The following GLRA3 variants were observed in gnomAD, a reference collection of about 807,000 sequenced individuals.
GLRA3 encodes glycine receptor alpha 3.
GLRA3 carries 44 observed loss-of-function variants against 60.4 expected under a neutral mutation model. That is an observed-to-expected ratio of 0.73 (90% CI 0.57 to 0.94). GLRA3 has a LOEUF of 0.94. Among genes scored for constraint, GLRA3 ranks in the 40% least tolerant of loss-of-function variants. The probability of loss-of-function intolerance (pLI) is 0.00; values close to 1 mark genes in which losing one functional copy is unlikely to be tolerated. For synonymous variants in GLRA3, 223 were observed against 192.9 expected, an observed-to-expected ratio of 1.16 and a Z score of -1.29; for missense variants, 508 against 564.6, an observed-to-expected ratio of 0.90 and a Z score of 1.02.
At chr4:174,762,399 A>G (rs547209995) in intron 3 of GLRA3, among the ~76,000 whole-genome samples, 1 of 152,238 alleles carries the variant, frequency 6.6e-6, no homozygotes, top group South Asian at 2.1e-4. Context: ...CCATCCCCAG[A>G]TCAGATCAAA....
intron 2 of GLRA3, among the ~76,000 whole-genome samples, chr4:174,776,321 A>C (rs1453586575): frequency 6.6e-6 from 1 of 152,114 alleles, no homozygotes. Flanking sequence ...TTCGAAGTAG[A>C]GAAATAACAG....
At chr4:174,813,741 A>G (rs543196348) in intron 1 of GLRA3, among the ~76,000 whole-genome samples, 18 of 152,276 alleles carry the variant, frequency 1.2e-4, no homozygotes, top group African/African-American at 3.4e-4. Flanking sequence ...TTTAAAATCT[A>G]TCCTTCAACT....
intron 7 of GLRA3, among the ~76,000 whole-genome samples, chr4:174,666,050 A>G (rs1733653662): frequency 6.6e-6 from 1 of 152,128 alleles, no homozygotes; most frequent in African/African-American, 2.4e-5. Flanking sequence ...GGATTTGAAT[A>G]TAACTCATAT....
intron 9 of GLRA3, among the ~76,000 whole-genome samples, chr4:174,655,722 A>C (rs1431000034): frequency 1.3e-5 from 2 of 152,144 alleles, no homozygotes; most frequent in African/African-American, 2.4e-5. Context: ...CAAGTGGATC[A>C]TGTGAAATTA....
intron 3 of GLRA3, among the ~76,000 whole-genome samples, chr4:174,761,342 T>C (rs1737938245): frequency 6.6e-6 from 1 of 152,168 alleles, no homozygotes; most frequent in Admixed American, 6.5e-5. Flanking sequence ...TATATATAAG[T>C]GCTTACTGTT....
At chr4:174,792,100 A>G (rs974949800) in intron 1 of GLRA3, among the ~76,000 whole-genome samples, 2 of 152,204 alleles carry the variant, frequency 1.3e-5, no homozygotes, top group Non-Finnish European at 2.9e-5. Context: ...CACTTGTGTG[A>G]GGCCTAAAAG....
rs1199930239 is a variant in GLRA3, at chr4:174,637,715, G to C, written c.*6071C>G. 2 of 152,038 alleles carry C rather than the reference G, an allele frequency of 1.3e-5. No individual in the cohort carries two copies. The highest frequency in any genetic ancestry group is 4.8e-5 in the African/African-American group (2 of 41,406). 9.4% of individuals were successfully genotyped at this position (152,038 alleles called of 1,614,324 possible). On this transcript the variant is annotated 3_prime_UTR_variant, in exon 10 of 10. Transcript: ENST00000274093. ...CACAATATGGTTAATATGGTTTGCT[G>C]CTAGTTTTTTTAAATTCATATTACT...
chr4:174,718,399 C>T (rs1019563305), intron 4 of GLRA3, among the ~76,000 whole-genome samples: 8 of 152,134 alleles, frequency 5.3e-5, no homozygotes, highest in Admixed American at 3.3e-4. Flanking sequence ...CAGGATATGG[C>T]GTTTCTTCTT....
intron 4 of GLRA3, among the ~76,000 whole-genome samples, chr4:174,717,020 A>C (rs1034193691): frequency 6.6e-6 from 1 of 151,486 alleles, no homozygotes; most frequent in African/African-American, 2.4e-5. Flanking sequence ...GGGCAACATA[A>C]AAATACTCTA....
At chr4:174,826,039 C>G (rs1334873045) in intron 1 of GLRA3, among the ~76,000 whole-genome samples, 1 of 152,058 alleles carries the variant, frequency 6.6e-6, no homozygotes, top group Non-Finnish European at 1.5e-5. Context: ...CACACCCATG[C>G]CTGTGCTATG....
Position 174,643,549 on chromosome 4 carries a change from C to T in GLRA3, c.*237G>A. 1 of 1,172,756 alleles carries T rather than the reference C, an allele frequency of 8.5e-7. No individual in the cohort carries two copies. The highest frequency in any genetic ancestry group is 3.2e-5 in the South Asian group (1 of 31,300). The allele number at this position is 1,172,756 out of a possible 1,614,324, so 72.6% of individuals were successfully genotyped here. A position where few individuals can be genotyped will look rare whatever the true frequency, so the allele number is the denominator to read the frequency against. The stretch of plus-strand genomic sequence containing the variant: ...ACTTACATGGTTTACTGTGAAAAAA[C>T]AAATCACCTGGAATTAATATGAAAT... On this transcript the variant is annotated 3_prime_UTR_variant, in exon 10 of 10. Coordinates refer to ENST00000274093, the MANE Select transcript of GLRA3 (RefSeq NM_006529.4).
At chr4:174,675,806 T>C (rs1734096941) in intron 7 of GLRA3, among the ~76,000 whole-genome samples, 1 of 152,168 alleles carries the variant, frequency 6.6e-6, no homozygotes, top group South Asian at 2.1e-4. Context: ...AGGCAGAGCA[T>C]GTTAATATCA....
intron 8 of GLRA3, among the ~76,000 whole-genome samples, chr4:174,658,058 A>G (rs1025752697): frequency 6.6e-6 from 1 of 152,208 alleles, no homozygotes; most frequent in African/African-American, 2.4e-5. Context: ...TAATCAATAC[A>G]TAAATTGCAG....
chr4:174,653,812 C>T (rs1165249859), intron 9 of GLRA3, among the ~76,000 whole-genome samples: 1 of 151,928 alleles, frequency 6.6e-6, no homozygotes, highest in Non-Finnish European at 1.5e-5. Context: ...CACTAAAATG[C>T]ATGTAAATTT....
chr4:174,781,046 T>C (rs1303115201), intron 2 of GLRA3, among the ~76,000 whole-genome samples: 1 of 152,090 alleles, frequency 6.6e-6, no homozygotes, highest in Admixed American at 6.6e-5. Flanking sequence ...TATTCCAAAA[T>C]TGACCACATA....
intron 5 of GLRA3, among the ~76,000 whole-genome samples, chr4:174,688,977 T>C (rs1191710306): frequency 6.6e-6 from 1 of 152,126 alleles, no homozygotes; most frequent in Non-Finnish European, 1.5e-5. Context: ...TGGAATTGTC[T>C]GATCATAGGA....
intron 3 of GLRA3, among the ~76,000 whole-genome samples, chr4:174,729,486 G>C (rs1365716190): frequency 1.3e-5 from 2 of 152,142 alleles, no homozygotes; most frequent in African/African-American, 2.4e-5. Flanking sequence ...AATACTTCAA[G>C]AAGATTTGGC....
chr4:174,793,064 A>G (rs1456579641), intron 1 of GLRA3, among the ~76,000 whole-genome samples: 1 of 152,170 alleles, frequency 6.6e-6, no homozygotes, highest in East Asian at 1.9e-4. Context: ...CAAGCCTCTG[A>G]TTAATTGTCA....
chr4:174,794,548 A>C (rs1739484055), intron 1 of GLRA3, among the ~76,000 whole-genome samples: 1 of 152,184 alleles, frequency 6.6e-6, no homozygotes. Flanking sequence ...TCCTGGTTGA[A>C]TATTTCAAAC....
Sources: allele counts gnomAD v4.1 joint callset (sites outside exome capture counted in the v4.1 genomes callset), GRCh38; gene constraint gnomAD v4.1.1; transcripts MANE v1.5; gene names NCBI Gene and HGNC (gene_info 2026-07-23, HGNC 2026-07-21).